GRIN2A: variants seen among roughly 807,000 people sequenced by gnomAD.
The protein encoded by GRIN2A is glutamate ionotropic receptor NMDA type subunit 2A.
In GRIN2A, 22 loss-of-function variants were observed where a neutral mutation model predicts 113.4. The ratio of observed to expected loss-of-function variants is 0.19; its 90% CI spans 0.14 to 0.28. The LOEUF is 0.28. Among genes scored for constraint, GRIN2A ranks in the 10% least tolerant of loss-of-function variants. The probability of loss-of-function intolerance (pLI) is 1.00; values close to 1 mark genes in which losing one functional copy is unlikely to be tolerated. For synonymous variants in GRIN2A, 827 were observed against 738.4 expected (o/e 1.12, Z -1.94); for missense variants, 1,502 against 1,887.0 (o/e 0.80, Z 3.78).
intron 2 of GRIN2A, among the ~76,000 whole-genome samples, chr16:9,952,774 G>A (rs1013488654): frequency 6.6e-6 from 1 of 152,066 alleles, no homozygotes; most frequent in African/African-American, 2.4e-5. Flanking sequence ...ATATCTGTGG[G>A]ATTGGATTAA....
rs80138441 is a variant in GRIN2A, at chr16:9,764,784, T to C, written c.2760A>G (p.Arg920=). The C allele has an allele frequency of 4.9e-5, 79 of 1,614,096 alleles. No homozygotes were observed. Among genetic ancestry groups the C allele is most frequent in the Non-Finnish European group, 6.4e-5 (76 of 1,180,018 alleles). The stretch of plus-strand genomic sequence containing the variant: ...AACCTCTTTGGATGAAGTCAGCAGC[T>C]CTTTTGGGTGAGTCCATTCTTGAGG... ...MNSSRMDSPK[R]AADFIQRGSL... is the part of the protein sequence containing the mutation. The change falls in exon 13 of 13, where the codon AGA becomes AGG. Residue 920 remains arginine (R), a synonymous_variant. Transcript: ENST00000330684.
chr16:9,839,103 T>C (rs113247865), intron 7 of GRIN2A, among the ~76,000 whole-genome samples: 4,389 of 152,314 alleles, frequency 0.029, 87 homozygotes, highest in Non-Finnish European at 0.043. Flanking sequence ...CCTCCAGAGA[T>C]TCACGTTTGT....
At chr16:9,878,095 A>G (rs1277521892) in intron 4 of GRIN2A, among the ~76,000 whole-genome samples, 2 of 152,146 alleles carry the variant, frequency 1.3e-5, no homozygotes, top group African/African-American at 4.8e-5. Context: ...GCAATGGAAA[A>G]CTAGCAAGGG....
chr16:9,923,044 G>T (rs1203454251), intron 3 of GRIN2A, among the ~76,000 whole-genome samples: 1 of 152,000 alleles, frequency 6.6e-6, no homozygotes, highest in Non-Finnish European at 1.5e-5. Context: ...TACTAACTTT[G>T]CTCGTTCTAG....
intron 2 of GRIN2A, among the ~76,000 whole-genome samples, chr16:10,164,775 G>C (rs2049876991): frequency 1.3e-5 from 2 of 152,160 alleles, no homozygotes; most frequent in Admixed American, 1.3e-4. Flanking sequence ...AAATATCAAA[G>C]CAGTTAAAAT....
intron 3 of GRIN2A, among the ~76,000 whole-genome samples, chr16:9,917,226 A>G (rs573179992): frequency 6.6e-6 from 1 of 152,268 alleles, no homozygotes; most frequent in South Asian, 2.1e-4. Flanking sequence ...AGTACCCCAT[A>G]TCTGCCCTTC....
intron 4 of GRIN2A, among the ~76,000 whole-genome samples, chr16:9,868,696 C>G (rs2043204745): frequency 6.6e-6 from 1 of 152,164 alleles, no homozygotes; most frequent in African/African-American, 2.4e-5. Context: ...ACCTGGCCTC[C>G]TCCCCAGGCC....
chr16:10,138,464 G>C (rs543385376), intron 2 of GRIN2A, among the ~76,000 whole-genome samples: 5 of 152,154 alleles, frequency 3.3e-5, no homozygotes, highest in Admixed American at 3.3e-4. Context: ...GGGTAGAAAA[G>C]AAGCAATTGA....
chr16:10,091,053 G>A (rs1176694748), intron 2 of GRIN2A, among the ~76,000 whole-genome samples: 1 of 152,306 alleles, frequency 6.6e-6, no homozygotes, highest in East Asian at 1.9e-4. Flanking sequence ...CCAAGTGTTG[G>A]CAAGGATTCA....
chr16:9,812,996 T>A (rs1329443025), intron 10 of GRIN2A, among the ~76,000 whole-genome samples: 1 of 152,240 alleles, frequency 6.6e-6, no homozygotes, highest in African/African-American at 2.4e-5. Flanking sequence ...GATCAAAGCG[T>A]GCCTCAAACA....
At chr16:9,774,935 C>T (rs1458267990) in intron 11 of GRIN2A, among the ~76,000 whole-genome samples, 1 of 152,178 alleles carries the variant, frequency 6.6e-6, no homozygotes, top group African/African-American at 2.4e-5. Flanking sequence ...GGAGAAGGTT[C>T]AGCTCTCCAT....
intron 2 of GRIN2A, among the ~76,000 whole-genome samples, chr16:10,127,609 G>A (rs889009743): frequency 6.6e-6 from 1 of 152,086 alleles, no homozygotes; most frequent in Non-Finnish European, 1.5e-5. Flanking sequence ...TGTCTCCCCA[G>A]CCTTTTTATA....
Position 9,753,717 on chromosome 16 carries a change from T to C in GRIN2A, c.*9432A>G, listed in dbSNP as rs1035646901. On this transcript the variant is annotated 3_prime_UTR_variant, in exon 13 of 13. Coordinates refer to ENST00000330684, the MANE Select transcript of GRIN2A (RefSeq NM_001134407.3). Reference sequence around the variant, plus strand: ...CACTTATTAGCACTTCCTCATGCAGTGGATTAAAACATGACAGATATAAAC... The same window carrying C: ...CACTTATTAGCACTTCCTCATGCAGCGGATTAAAACATGACAGATATAAAC... The C allele has an allele frequency of 2.6e-5, 5 of 192,816 alleles. No homozygotes were observed. The highest frequency in any genetic ancestry group is 1.2e-4 in the African/African-American group (5 of 43,114). 11.9% of individuals were successfully genotyped at this position (192,816 alleles called of 1,614,324 possible).
At chr16:10,107,189 G>C (rs1468092318) in intron 2 of GRIN2A, among the ~76,000 whole-genome samples, 1 of 152,202 alleles carries the variant, frequency 6.6e-6, no homozygotes, top group Non-Finnish European at 1.5e-5. Flanking sequence ...AGTTCTTTCT[G>C]TATTTGGAAG....
At chr16:10,011,610 C>CT (rs1292101609) in intron 2 of GRIN2A, among the ~76,000 whole-genome samples, 1 of 152,164 alleles carries the variant, frequency 6.6e-6, no homozygotes, top group Admixed American at 6.5e-5. Context: ...TCATGGATCC[C>CT]TAGAGAGGCT....
chr16:10,053,093 G>T (rs936428636), intron 2 of GRIN2A, among the ~76,000 whole-genome samples: 1 of 151,766 alleles, frequency 6.6e-6, no homozygotes, highest in African/African-American at 2.4e-5. Context: ...TAAAACTTGG[G>T]AATCTGAACT....
chr16:10,008,336 T>A (rs530301598), intron 2 of GRIN2A, among the ~76,000 whole-genome samples: 2 of 152,352 alleles, frequency 1.3e-5, no homozygotes, highest in South Asian at 4.1e-4. Context: ...CATCTTCTAA[T>A]ACAAATGTAA....
At position 9,999,977 on chromosome 16, in the gene GRIN2A, T is replaced by C. The variant is rs539956312; in HGVS notation, c.415-61426A>G. ...CTCCAGAACTCTAGGAAAGATTCCA[T>C]GTCTTTGCCTTTCCAGGTTCCAGGG... On this transcript the variant is annotated intron_variant, in intron 2 of 12. Coordinates refer to ENST00000330684, the MANE Select transcript of GRIN2A (RefSeq NM_001134407.3). Among the ~76,000 whole-genome samples, 128 of 152,290 alleles carry C rather than the reference T, an allele frequency of 8.4e-4. 1 individual carries two copies. The highest frequency in any genetic ancestry group is 1.5e-3 in the Admixed American group (23 of 15,294).
intron 5 of GRIN2A, among the ~76,000 whole-genome samples, chr16:9,842,220 A>T (rs1470317139): frequency 6.6e-6 from 1 of 151,410 alleles, no homozygotes; most frequent in Non-Finnish European, 1.5e-5. Flanking sequence ...CGTTGTACTC[A>T]AGCCTGGGTG....
Sources: allele counts gnomAD v4.1 joint callset (sites outside exome capture counted in the v4.1 genomes callset), GRCh38; gene constraint gnomAD v4.1.1; transcripts MANE v1.5; gene names NCBI Gene and HGNC (gene_info 2026-07-23, HGNC 2026-07-21).